AKT2: variants seen among roughly 807,000 people sequenced by gnomAD.
AKT2 encodes the protein AKT serine/threonine kinase 2.
AKT2 carries 16 observed loss-of-function variants against 58.6 expected under a neutral mutation model. That is an observed-to-expected ratio of 0.27 (90% confidence interval 0.18 to 0.41). The LOEUF is 0.41. Ranked by LOEUF, AKT2 falls within the 10% of genes least tolerant of loss-of-function variation. The probability of loss-of-function intolerance (pLI) is 1.00; values close to 1 mark genes in which losing one functional copy is unlikely to be tolerated. For missense variants in AKT2, 438 were observed against 661.0 expected (o/e 0.66, Z 3.70); for synonymous variants, 253 against 254.0 (o/e 1.00, Z 0.04).
At chr19:40,256,818 C>T (rs1264264402) in intron 3 of AKT2, 108 bp downstream of exon 3, 2 of 1,537,700 alleles carry the variant, frequency 1.3e-6, no homozygotes, top group Non-Finnish European at 1.8e-6. Context: ...CAAGGGCAAG[C>T]AGGCCCAGGA....
At chr19:40,273,115 G>A (rs906142565) in intron 1 of AKT2, among the ~76,000 whole-genome samples, 4 of 152,064 alleles carry the variant, frequency 2.6e-5, no homozygotes, top group African/African-American at 7.2e-5. Context: ...AGGCCGAGGC[G>A]GGCAAATCAC....
chr19:40,249,560 C>T (rs941071718), intron 4 of AKT2, among the ~76,000 whole-genome samples: 1 of 152,212 alleles, frequency 6.6e-6, no homozygotes, highest in African/African-American at 2.4e-5. Flanking sequence ...ACAAGCCCGT[C>T]CTCACCGCTT....
In AKT2 at chr19:40,234,663, T is replaced by TGGGCTGGGAGCTTTCCA. The variant is rs1973899729; in HGVS notation, c.1366+365_1366+381dup. 1.8e-6 allele frequency: 1 copy of TGGGCTGGGAGCTTTCCA among 560,840 alleles called. No individual in the cohort carries two copies. The highest frequency in any genetic ancestry group is 3.1e-6 in the Non-Finnish European group (1 of 318,464). 34.7% of individuals were successfully genotyped at this position (560,840 alleles called of 1,614,324 possible). A position where few individuals can be genotyped will look rare whatever the true frequency, so the allele number is the denominator to read the frequency against. ...ACCACTCCAGGCCGCCCACCCTACCTGGGCTGGGAGCTTTCCAGGGCAGGG... is the reference window on the plus strand; with the variant it reads ...ACCACTCCAGGCCGCCCACCCTACCTGGGCTGGGAGCTTTCCAGGGCTGGGAGCTTTCCAGGGCAGGG... On this transcript the variant is annotated intron_variant, in intron 13 of 13. Coordinates refer to ENST00000392038, the MANE Select transcript of AKT2 (RefSeq NM_001626.6). The surrounding 1 kb of genome is among the most constrained non-coding windows in gnomAD (Gnocchi z 4.7).
At chr19:40,265,414 G>A in intron 1 of AKT2, 63 bp from the exon 2 acceptor site, 2 of 1,521,816 alleles carry the variant, frequency 1.3e-6, no homozygotes, top group South Asian at 2.4e-5. Flanking sequence ...CCTTCCCTGA[G>A]GACGCCGGGC....
intron 1 of AKT2, 48 bp from the exon 2 acceptor site, chr19:40,265,399 C>G: frequency 6.5e-7 from 1 of 1,528,340 alleles, no homozygotes; most frequent in Non-Finnish European, 8.8e-7. Context: ...GATTCCACAC[C>G]AGCCCCTTCC....
intron 7 of AKT2, 168 bp downstream of exon 7, chr19:40,239,877 C>T (rs1194065983): frequency 1.2e-6 from 1 of 817,372 alleles, no homozygotes; most frequent in Non-Finnish European, 2.1e-6. Flanking sequence ...GCCTGCTCAC[C>T]CCCACCACAT....
intron 2 of AKT2, among the ~76,000 whole-genome samples, chr19:40,258,658 A>T (rs1411131930): frequency 6.9e-6 from 1 of 145,410 alleles, no homozygotes; most frequent in Non-Finnish European, 1.5e-5. Flanking sequence ...CTAGCTCTTA[A>T]AAAAAAAAAA....
chr19:40,253,975 TTGTATTTAAA>T (rs1319400136), intron 4 of AKT2, among the ~76,000 whole-genome samples: 2 of 151,308 alleles, frequency 1.3e-5, no homozygotes, highest in African/African-American at 2.4e-5. Flanking sequence ...ATGCTACCTT[TTGTATTTAAA>T]AAAAAAAAAA....
intron 4 of AKT2, among the ~76,000 whole-genome samples, chr19:40,250,739 G>A (rs926895083): frequency 2.6e-5 from 4 of 151,662 alleles, no homozygotes; most frequent in African/African-American, 9.7e-5. Flanking sequence ...GGGGTGGGAG[G>A]ATCACCTAAA....
Position 40,285,089 on chromosome 19 carries a change from G to A in AKT2, c.-85+92C>T, listed in dbSNP as rs559178105. ...TCGAGGGCCGCGGTCCCCCCGCCGG[G>A]CACGGGTGGTACAGCCCATCGCGGC... On this transcript the variant is annotated intron_variant, in intron 1 of 13. Coordinates refer to ENST00000392038, the MANE Select transcript of AKT2 (RefSeq NM_001626.6). 1.1e-4 allele frequency: 41 copies of A among 388,628 alleles called. 1 individual carries two copies. In the South Asian group the frequency reaches 4.7e-3, roughly 45 times the overall value. The allele number at this position is 388,628 out of a possible 1,614,324, so 24.1% of individuals were successfully genotyped here.
chr19:40,280,607 C>T (rs1222036371), intron 1 of AKT2, among the ~76,000 whole-genome samples: 6 of 152,288 alleles, frequency 3.9e-5, no homozygotes, highest in East Asian at 3.9e-4. Context: ...CTGCCTGCCC[C>T]GCAGCCCCAG....
intron 4 of AKT2, among the ~76,000 whole-genome samples, chr19:40,249,600 C>T (rs1974999990): frequency 6.6e-6 from 1 of 152,232 alleles, no homozygotes; most frequent in Non-Finnish European, 1.5e-5. Context: ...TGGGGACTCT[C>T]CCCTAACCAT....
chr19:40,258,984 A>G (rs2145321226), intron 2 of AKT2, among the ~76,000 whole-genome samples: 2 of 152,294 alleles, frequency 1.3e-5, no homozygotes, highest in South Asian at 2.1e-4. Context: ...AAAGTTAAAT[A>G]CTTTCCAATT....
At chr19:40,285,093 G>A (rs1165155077) in intron 1 of AKT2, 88 bp downstream of exon 1, 2 of 383,258 alleles carry the variant, frequency 5.2e-6, no homozygotes, top group Non-Finnish European at 9.2e-6. Context: ...CGCCGGGCAC[G>A]GGTGGTACAG....
chr19:40,255,228 A>C lies in AKT2; in HGVS notation c.217T>G (p.Phe73Val), dbSNP rs1190606056. 6.2e-7 allele frequency: 1 copy of C among 1,614,040 alleles called. No individual in the cohort carries two copies. Among genetic ancestry groups the C allele is most frequent in the Non-Finnish European group, 8.5e-7 (1 of 1,179,940 alleles). ...MKTERPRPNT[F>V]VIRCLQWTTV... The stretch of plus-strand genomic sequence containing the variant: ...GTCCACTGCAGGCAGCGTATGACAA[A>C]GGTGTTGGGTCGCGGCCTCTCGGTC... Residue 73 changes from phenylalanine (F) to valine (V), a missense_variant, in exon 4 of 14, where the codon TTT becomes GTT. Phe to Val is a conservative substitution (Grantham distance 50). This residue lies in a region of AKT2 where 244 missense variants were observed against 347.1 expected (regional missense o/e 0.70). Transcript: ENST00000392038.
rs1395210080 is a variant in AKT2 at position 40,232,899 on chromosome 19, A to T, written c.*973T>A. 6 of 231,622 alleles carry T rather than the reference A, an allele frequency of 2.6e-5. No individual in the cohort carries two copies. The highest frequency in any genetic ancestry group is 4.3e-5 in the Non-Finnish European group (5 of 117,260). The allele number at this position is 231,622 out of a possible 1,614,324, so 14.3% of individuals were successfully genotyped here. A position where few individuals can be genotyped will look rare whatever the true frequency, so the allele number is the denominator to read the frequency against. On this transcript the variant is annotated 3_prime_UTR_variant, in exon 14 of 14. Transcript: ENST00000392038. The stretch of plus-strand genomic sequence containing the variant: ...GGGGGGCCTAGGAGCCTCCCTTTTC[A>T]GAGGCCCCCCACCCCAATAGGTACC...
chr19:40,240,030 G>T lies in AKT2; in HGVS notation c.639+15C>A. The T allele has an allele frequency of 6.2e-7, 1 of 1,613,464 alleles. No individual in the cohort carries two copies. Among genetic ancestry groups the T allele is most frequent in the Non-Finnish European group, 8.5e-7 (1 of 1,179,520 alleles). On this transcript the variant is annotated intron_variant, in intron 7 of 13. Coordinates refer to ENST00000392038, the MANE Select transcript of AKT2 (RefSeq NM_001626.6). ...GGCTGGCCTCACACTGTCTGGGAAGGGGAGGGCAACTCACAGTGAGGAACG... is the reference window on the plus strand; with the variant it reads ...GGCTGGCCTCACACTGTCTGGGAAGTGGAGGGCAACTCACAGTGAGGAACG...
chr19:40,261,525 T>A (rs566792454), intron 2 of AKT2, among the ~76,000 whole-genome samples: 2 of 126,926 alleles, frequency 1.6e-5, no homozygotes, highest in East Asian at 4.8e-4. Flanking sequence ...AGAGCAAGAC[T>A]CCATCTCAAA....
rs1973694055 is a variant in AKT2 at position 40,231,366 on chromosome 19, A to C, written c.*2506T>G. On this transcript the variant is annotated 3_prime_UTR_variant, in exon 14 of 14. Coordinates refer to ENST00000392038, the MANE Select transcript of AKT2 (RefSeq NM_001626.6). Reference sequence around the variant, plus strand: ...GGAAGAGTAAAAGGCCTTTCTTCATAGGCCTGCCTATTTTATGACCACCAG... The same window carrying C: ...GGAAGAGTAAAAGGCCTTTCTTCATCGGCCTGCCTATTTTATGACCACCAG... The C allele has an allele frequency of 8.6e-6, 2 of 233,160 alleles. No homozygotes were observed. The highest frequency in any genetic ancestry group is 6.0e-5 in the East Asian group (1 of 16,574). The allele number at this position is 233,160 out of a possible 1,614,324, so 14.4% of individuals were successfully genotyped here. A position where few individuals can be genotyped will look rare whatever the true frequency, so the allele number is the denominator to read the frequency against.
Sources: allele counts gnomAD v4.1 joint callset (sites outside exome capture counted in the v4.1 genomes callset), GRCh38; gene constraint gnomAD v4.1.1; regional missense constraint gnomAD v4.1.1; non-coding constraint Gnocchi (gnomAD v3.1); transcripts MANE v1.5; gene names NCBI Gene and HGNC (gene_info 2026-07-23, HGNC 2026-07-21).